The following B3GNT3 variants were observed in gnomAD, a reference collection of about 807,000 sequenced individuals.
B3GNT3 encodes N-acetyllactosaminide beta-1,3-N-acetylglucosaminyltransferase 3.
In B3GNT3, 7 loss-of-function variants were observed where a neutral mutation model predicts 11.6. The ratio of observed to expected loss-of-function variants is 0.60; its 90% CI spans 0.34 to 1.13. The LOEUF (loss-of-function observed/expected upper bound fraction) is 1.13, where lower values mean the gene tolerates loss of function less well. Among genes scored for constraint, B3GNT3 ranks in the 50% most tolerant of loss-of-function variants. B3GNT3 has a pLI of 0.03. For synonymous variants in B3GNT3, 201 were observed against 222.1 expected, an observed-to-expected ratio of 0.90 and a Z score of 0.85; for missense variants, 400 against 507.4, an observed-to-expected ratio of 0.79 and a Z score of 2.03.
At position 17,811,722 on chromosome 19, in the gene B3GNT3, A is replaced by C; in HGVS notation, c.719A>C (p.Gln240Pro). Residue 240 changes from glutamine (Q) to proline (P), a missense_variant, in exon 3 of 3, where the codon CAA (glutamine) becomes CCA (proline). Transcript: ENST00000318683. This position sits in a 1 kb window ranked among gnomAD's most constrained non-coding sequence, Gnocchi z 4.1. The part of the protein sequence containing the change: ...GRHLFVGQLI[Q>P]NVGPIRAFWS... ...CACCTCTTCGTGGGGCAACTGATCC[A>C]AAACGTGGGCCCCATCCGGGCTTTT... The C allele has an allele frequency of 6.2e-7, 1 of 1,614,240 alleles. No individual in the cohort carries two copies. Among genetic ancestry groups the C allele is most frequent in the Non-Finnish European group, 8.5e-7 (1 of 1,180,030 alleles).
chr19:17,810,379 C>T (rs1402586105), intron 2 of B3GNT3, among the ~76,000 whole-genome samples: 1 of 152,004 alleles, frequency 6.6e-6, no homozygotes, highest in African/African-American at 2.4e-5. Context: ...CACTGCACTC[C>T]AGCCTGGGTG....
chr19:17,800,796 G>A (rs934562528), intron 1 of B3GNT3, among the ~76,000 whole-genome samples: 2 of 151,832 alleles, frequency 1.3e-5, no homozygotes, highest in African/African-American at 4.8e-5. Context: ...GTGAAACTCT[G>A]TCTCTACTAA....
intron 1 of B3GNT3, 29 bp from the exon 2 acceptor site, chr19:17,807,729 G>A (rs2094174981): frequency 1.5e-6 from 2 of 1,362,106 alleles, no homozygotes; most frequent in South Asian, 1.4e-5. Context: ...TGCTCATGGC[G>A]AGTGTTCAGT....
intron 1 of B3GNT3, 89 bp from the exon 2 acceptor site, chr19:17,807,669 A>G: frequency 1.2e-6 from 1 of 805,004 alleles, no homozygotes. Context: ...TGCCAACCTG[A>G]GCAACTGTAC....
chr19:17,799,463 T>C (rs963788481), intron 1 of B3GNT3, among the ~76,000 whole-genome samples: 1 of 151,804 alleles, frequency 6.6e-6, no homozygotes, highest in Admixed American at 6.6e-5. Context: ...AGAAATGGGG[T>C]TTCACCATGT....
chr19:17,806,511 T>C (rs1469586412), intron 1 of B3GNT3, among the ~76,000 whole-genome samples: 1 of 151,674 alleles, frequency 6.6e-6, no homozygotes, highest in African/African-American at 2.4e-5. Context: ...TGGCCGAGAG[T>C]TGGCCAGGTT....
At chr19:17,807,440 G>A (rs925464767) in intron 1 of B3GNT3, among the ~76,000 whole-genome samples, 6 of 150,558 alleles carry the variant, frequency 4.0e-5, no homozygotes, top group African/African-American at 1.2e-4. Flanking sequence ...TGCAGTAAGC[G>A]GAAATTACAC....
intron 1 of B3GNT3, among the ~76,000 whole-genome samples, chr19:17,799,485 G>A (rs537236006): frequency 1.6e-4 from 24 of 151,874 alleles, no homozygotes; most frequent in East Asian, 1.9e-4. Context: ...GGCCAGGCTG[G>A]TCTCGAACTC....
intron 1 of B3GNT3, among the ~76,000 whole-genome samples, chr19:17,797,979 G>A (rs990953187): frequency 2.0e-5 from 3 of 152,128 alleles, no homozygotes; most frequent in East Asian, 3.9e-4. Context: ...CCACCAACCC[G>A]CCCTGGCCTC....
chr19:17,803,049 A>G (rs2094168279), intron 1 of B3GNT3, among the ~76,000 whole-genome samples: 1 of 150,832 alleles, frequency 6.6e-6, no homozygotes, highest in South Asian at 2.1e-4. Context: ...TATATTGCCC[A>G]GGCTGGCGTG....
chr19:17,796,593 G>A (rs2147643693), intron 1 of B3GNT3, among the ~76,000 whole-genome samples: 1 of 152,276 alleles, frequency 6.6e-6, no homozygotes, highest in African/African-American at 2.4e-5. Flanking sequence ...CTGGTGTCAG[G>A]AGGAAGAGGT....
intron 2 of B3GNT3, among the ~76,000 whole-genome samples, chr19:17,809,616 T>G (rs1943721897): frequency 6.6e-6 from 1 of 151,712 alleles, no homozygotes. Context: ...CCAGCTAATT[T>G]TTTTGTACTT....
In B3GNT3 at chr19:17,812,267, G is replaced by A; in HGVS notation, c.*145G>A. 1 of 895,188 alleles carries A rather than the reference G, an allele frequency of 1.1e-6. No individual in the cohort carries two copies. The highest frequency in any genetic ancestry group is 1.6e-6 in the Non-Finnish European group (1 of 608,284). 55.5% of individuals were successfully genotyped at this position (895,188 alleles called of 1,614,324 possible). ...GGTTTGATGAGTGAATATTCTGGCT[G>A]GCGAACTCCTACACATCCTTCAAAA... On this transcript the variant is annotated 3_prime_UTR_variant, in exon 3 of 3. Transcript: ENST00000318683.
rs2094180462 is a variant in B3GNT3 at position 17,811,394 on chromosome 19, A to T, written c.568-177A>T. Among the ~76,000 whole-genome samples the T allele has an allele frequency of 6.6e-6, 1 of 152,104 alleles. No homozygotes were observed. The highest frequency in any genetic ancestry group is 1.5e-5 in the Non-Finnish European group (1 of 68,016). The stretch of plus-strand genomic sequence containing the variant: ...GGCACATGATAAGGCCTGTTTGGAG[A>T]GTTGAAACCAAGGCACAGAGAGGGT... On this transcript the variant is annotated intron_variant, in intron 2 of 2. Transcript: ENST00000318683. The surrounding 1 kb of genome is among the most constrained non-coding windows in gnomAD (Gnocchi z 4.1).
chr19:17,808,744 G>A (rs1453631495), intron 2 of B3GNT3, among the ~76,000 whole-genome samples: 1 of 152,214 alleles, frequency 6.6e-6, no homozygotes, highest in East Asian at 1.9e-4. Context: ...CTACTGTGAG[G>A]TTTACAGGAG....
chr19:17,807,960 T>TCCGGCCCCCCCC lies in B3GNT3; in HGVS notation c.155_156insGGCCCCCCCCCC (p.Pro52_Pro53insAlaProProPro). 3 of 1,609,546 alleles carry TCCGGCCCCCCCC rather than the reference T, an allele frequency of 1.9e-6. No individual in the cohort carries two copies. Among genetic ancestry groups the TCCGGCCCCCCCC allele is most frequent in the Non-Finnish European group, 2.5e-6 (3 of 1,178,128 alleles). ...TCCCCGAGGCCCTGGCCTGGCCCACTCCACCCACCCGCCCAGCCCCGGCCC... is the reference window on the plus strand; with the variant it reads ...TCCCCGAGGCCCTGGCCTGGCCCACTCCGGCCCCCCCCCCACCCACCCGCCCAGCCCCGGCCC... On this transcript the variant is annotated inframe_insertion, in exon 2 of 3. Coordinates refer to ENST00000318683, the MANE Select transcript of B3GNT3 (RefSeq NM_014256.4).
chr19:17,797,935 C>T (rs983469234), intron 1 of B3GNT3, among the ~76,000 whole-genome samples: 1 of 152,190 alleles, frequency 6.6e-6, no homozygotes, highest in Non-Finnish European at 1.5e-5. Flanking sequence ...GGTGAGGAAC[C>T]ACCCACAGGG....
chr19:17,804,231 CTTTTTTTTCTTT>C (rs2094169853), intron 1 of B3GNT3, among the ~76,000 whole-genome samples: 1 of 134,798 alleles, frequency 7.4e-6, no homozygotes, highest in Non-Finnish European at 1.6e-5. Flanking sequence ...TTCTTTCTTT[CTTTTTTTTCTTT>C]TTTTTTTTTT....
rs1002782487 is a variant in B3GNT3 at position 17,811,673 on chromosome 19, C to A, written c.670C>A (p.Leu224Met). 4 of 1,614,260 alleles carry A rather than the reference C, an allele frequency of 2.5e-6. No individual in the cohort carries two copies. The highest frequency in any genetic ancestry group is 3.4e-6 in the Non-Finnish European group (4 of 1,180,044). The change falls in exon 3 of 3, where the codon CTG becomes ATG. Residue 224 changes from leucine (L) to methionine (M), a missense_variant. Coordinates refer to ENST00000318683, the MANE Select transcript of B3GNT3 (RefSeq NM_014256.4). The surrounding 1 kb of genome is among the most constrained non-coding windows in gnomAD (Gnocchi z 4.1). Reference protein sequence around the residue: ...FAHTDNMVFYLQDHDPGRHLF... With the variant: ...FAHTDNMVFYMQDHDPGRHLF... ...ACACACAGACAACATGGTCTTCTAC[C>A]TGCAGGACCATGACCCTGGCCGCCA... is the stretch of plus-strand genomic sequence containing the variant.
Sources: gnomAD v4.1 joint callset for allele counts (sites outside exome capture counted in the v4.1 genomes callset) on GRCh38, gnomAD v4.1.1 for gene constraint, Gnocchi (gnomAD v3.1) non-coding constraint, MANE v1.5 for transcripts, NCBI Gene and HGNC (gene_info 2026-07-23, HGNC 2026-07-21) for gene names.